Variants in NDE1 observed in about 807,000 individuals in gnomAD.
NDE1 encodes the protein nuclear distribution protein nudE homolog 1.
NDE1 carries 28 observed loss-of-function variants against 43.4 expected under a neutral mutation model. The observed-to-expected ratio is 0.65, with a 90% CI of 0.48 to 0.89. The LOEUF (loss-of-function observed/expected upper bound fraction) is 0.89. Among genes scored for constraint, NDE1 ranks in the 40% least tolerant of loss-of-function variants. NDE1 has a pLI of 0.00. For synonymous variants in NDE1, 184 were observed against 172.0 expected, an observed-to-expected ratio of 1.07 and a Z score of -0.55; for missense variants, 441 against 434.1, an observed-to-expected ratio of 1.02 and a Z score of -0.14.
In NDE1 at chr16:15,688,689, CTTTTTT is replaced by C. The variant is rs1194565114; in HGVS notation, c.523+1200_523+1205del. ...AGTGGATTGTCCAAGTTGTTTTTAC[CTTTTTT>C]TTTTTTTTTTTTTTTTTTTTTGAGA... On this transcript the variant is annotated intron_variant, in intron 5 of 8. Transcript: ENST00000396354. Among the ~76,000 whole-genome samples the C allele has an allele frequency of 4.2e-4, 25 of 59,994 alleles. No individual in the cohort carries two copies. In the East Asian group the frequency reaches 8.3e-3, roughly 20 times the overall value. 39.4% of individuals were successfully genotyped at this position (59,994 alleles called of 152,430 possible).
upstream of NDE1, among the ~76,000 whole-genome samples, chr16:15,646,150 A>G (rs1254513067): frequency 1.3e-5 from 2 of 152,228 alleles, no homozygotes; most frequent in African/African-American, 4.8e-5. Context: ...ATTGAGAACC[A>G]ACTAGTTTAA....
At chr16:15,681,298 C>T (rs1454327554) in intron 4 of NDE1, among the ~76,000 whole-genome samples, 5 of 91,010 alleles carry the variant, frequency 5.5e-5, no homozygotes, top group Non-Finnish European at 1.0e-4. Context: ...CTGGGCCTCG[C>T]TCCATTGCCC....
chr16:15,652,466 C>T (rs1465136298), intron 1 of NDE1, among the ~76,000 whole-genome samples: 2 of 152,220 alleles, frequency 1.3e-5, no homozygotes, highest in East Asian at 1.9e-4. Context: ...TAGTACTACA[C>T]GTGCACCTCG....
intron 3 of NDE1, among the ~76,000 whole-genome samples, chr16:15,669,024 C>G (rs578104128): frequency 1.3e-5 from 2 of 149,542 alleles, no homozygotes; most frequent in South Asian, 2.1e-4. Context: ...CTCAGCCTCC[C>G]GAGTAGCTAG....
chr16:15,668,417 A>G (rs1384026955), intron 3 of NDE1, among the ~76,000 whole-genome samples: 2 of 152,170 alleles, frequency 1.3e-5, no homozygotes, highest in African/African-American at 2.4e-5. Context: ...GGCATGCGGC[A>G]CCATGCCTGG....
chr16:15,643,570 C>T, exon 1 of NDE1: 1 of 267,678 alleles, frequency 3.7e-6, no homozygotes, highest in Non-Finnish European at 7.2e-6. Context: ...GTCCCTTCGG[C>T]TTTTTTTTTT....
intron 5 of NDE1, among the ~76,000 whole-genome samples, chr16:15,689,280 A>G (rs1036292586): frequency 6.6e-6 from 1 of 152,198 alleles, no homozygotes; most frequent in East Asian, 1.9e-4. Context: ...GCTTGAGCCT[A>G]GGAGTTCAAG....
upstream of NDE1, among the ~76,000 whole-genome samples, chr16:15,649,106 G>T (rs2036392080): frequency 1.3e-5 from 2 of 151,494 alleles, no homozygotes; most frequent in African/African-American, 4.8e-5. Flanking sequence ...TGAAGCAGGA[G>T]AATTGCTTGA....
intron 5 of NDE1, 103 bp downstream of exon 5, chr16:15,687,614 A>C: frequency 8.9e-7 from 1 of 1,122,862 alleles, no homozygotes; most frequent in Non-Finnish European, 1.3e-6. Context: ...GGGACCCCAC[A>C]CCCTGCTCTG....
intron 1 of NDE1, among the ~76,000 whole-genome samples, chr16:15,658,810 C>T (rs1435738369): frequency 6.6e-6 from 1 of 152,118 alleles, no homozygotes; most frequent in Non-Finnish European, 1.5e-5. Context: ...GTGCCTGCCA[C>T]CACACCCAGC....
At chr16:15,714,615 G>A (rs1372039859) in intron 8 of NDE1, 2 of 547,030 alleles carry the variant, frequency 3.7e-6, no homozygotes, top group Non-Finnish European at 6.6e-6. Context: ...AGGAGGGGCT[G>A]GAGGAGACAG....
intron 8 of NDE1, chr16:15,713,122 G>A (rs1384219220): frequency 6.6e-6 from 1 of 152,000 alleles, no homozygotes; most frequent in African/African-American, 2.4e-5. Context: ...TCCATTTGCT[G>A]ATGGAGCAAA....
At chr16:15,711,653 C>T (rs890361096) in intron 8 of NDE1, among the ~76,000 whole-genome samples, 13 of 151,970 alleles carry the variant, frequency 8.6e-5, no homozygotes, top group East Asian at 3.8e-4. Flanking sequence ...ATCTAGGACC[C>T]GAGGGATAAA....
rs552917607 is a variant in NDE1 at position 15,652,410 on chromosome 16, T to A, written c.-44+2116T>A. The stretch of plus-strand genomic sequence containing the variant: ...ACACTCCTTTTCCTCACAAGGTAAT[T>A]TCCTAACATGAGCATTCCTGTGTAC... On this transcript the variant is annotated intron_variant, in intron 1 of 8. Transcript: ENST00000396354. 9.8e-5 allele frequency among the ~76,000 whole-genome samples: 15 copies of A among 152,318 alleles called. No individual in the cohort carries two copies. In the East Asian group the frequency reaches 1.9e-3, roughly 20 times the overall value.
chr16:15,653,552 A>T (rs2036605528), intron 1 of NDE1, among the ~76,000 whole-genome samples: 2 of 152,032 alleles, frequency 1.3e-5, no homozygotes, highest in Non-Finnish European at 2.9e-5. Flanking sequence ...TGGTTTCTGT[A>T]TGTTTATTGC....
At chr16:15,717,015 A>C (rs535772076) in intron 8 of NDE1, 1 of 1,013,688 alleles carries the variant, frequency 9.9e-7, no homozygotes, top group East Asian at 2.4e-5. Context: ...CCTGCACTGT[A>C]GGCATCACAG....
intron 8 of NDE1, chr16:15,708,701 A>T (rs772457367): frequency 2.0e-4 from 250 of 1,258,810 alleles, no homozygotes; most frequent in Non-Finnish European, 2.8e-4. Context: ...TCTCGTGGAA[A>T]TGTGCAAGGG....
chr16:15,667,556 C>T, intron 3 of NDE1, 117 bp downstream of exon 3: 1 of 1,287,552 alleles, frequency 7.8e-7, no homozygotes, highest in Non-Finnish European at 1.1e-6. Flanking sequence ...GGCCCATGCT[C>T]ATCTCTGGAA....
intron 8 of NDE1, chr16:15,703,789 C>T (rs573187280): frequency 1.3e-4 from 88 of 692,400 alleles, no homozygotes; most frequent in Admixed American, 6.2e-4. Flanking sequence ...GGTTTTACTA[C>T]GTTGCCCAGG....
Sources: gnomAD v4.1 joint callset for allele counts (sites outside exome capture counted in the v4.1 genomes callset) on GRCh38, gnomAD v4.1.1 for gene constraint, MANE v1.5 for transcripts, NCBI Gene and HGNC (gene_info 2026-07-23, HGNC 2026-07-21) for gene names.